EPG5: variants seen among roughly 807,000 people sequenced by gnomAD.
EPG5 encodes the protein ectopic P-granules 5 autophagy tethering factor, also known as ectopic P granules protein 5 homolog.
Under a neutral mutation model 302.7 loss-of-function variants are expected in EPG5, and 159 were observed. That is an observed-to-expected ratio of 0.53 (90% CI 0.46 to 0.60). The LOEUF is 0.60. EPG5 is among the 20% of genes least tolerant of loss of function. EPG5 has a pLI of 0.00. For synonymous variants in EPG5, 1,158 were observed against 1,136.8 expected, an observed-to-expected ratio of 1.02 and a Z score of -0.37; for missense variants, 2,896 against 3,092.4, an observed-to-expected ratio of 0.94 and a Z score of 1.51.
intron 19 of EPG5, 150 bp downstream of exon 19, chr18:45,915,859 C>A: frequency 2.5e-6 from 2 of 806,682 alleles, no homozygotes; most frequent in South Asian, 1.8e-5. Context: ...TAGTGGACTA[C>A]GATTATCGGG....
At chr18:45,837,310 T>C in the EPG5 span, among the ~76,000 whole-genome samples, 1 of 152,150 alleles carries the variant, frequency 6.6e-6, no homozygotes, top group South Asian at 2.1e-4. Flanking sequence ...GTGCAGGCCC[T>C]GGGGGTGCAG....
chr18:45,939,928 T>G (rs2050624652), intron 9 of EPG5, among the ~76,000 whole-genome samples, 173 bp from the exon 10 acceptor site: 1 of 152,160 alleles, frequency 6.6e-6, no homozygotes, highest in Non-Finnish European at 1.5e-5. Flanking sequence ...CCTACCTTCA[T>G]GGAGCTTACA....
At position 45,867,854 on chromosome 18, in the gene EPG5, C is replaced by T. The variant is rs2048780030; in HGVS notation, c.6226-106G>A. 10 of 960,042 alleles carry T rather than the reference C, an allele frequency of 1.0e-5. No individual in the cohort carries two copies. In the South Asian group the frequency reaches 1.3e-4, roughly 12 times the overall value. 59.5% of individuals were successfully genotyped at this position (960,042 alleles called of 1,614,324 possible). ...TTATGTTTTTAAAAAACACTTTTTCCCCAGATTATATCACTTAGAATCCCA... is the reference window on the plus strand; with the variant it reads ...TTATGTTTTTAAAAAACACTTTTTCTCCAGATTATATCACTTAGAATCCCA... On this transcript the variant is annotated intron_variant, in intron 36 of 43. Transcript: ENST00000282041.
At chr18:45,824,534 T>A in the EPG5 span, among the ~76,000 whole-genome samples, 1 of 151,882 alleles carries the variant, frequency 6.6e-6, no homozygotes, top group Admixed American at 6.6e-5. Context: ...CATGAAAGGG[T>A]TTTAAGCAGG....
intron 36 of EPG5, 44 bp downstream of exon 36, chr18:45,870,523 A>C (rs2048846788): frequency 6.4e-7 from 1 of 1,573,146 alleles, no homozygotes; most frequent in Non-Finnish European, 8.7e-7. Context: ...GCTCCCTAGA[A>C]GCCAGATCTC....
At chr18:45,906,289 T>C (rs528801820) in intron 24 of EPG5, among the ~76,000 whole-genome samples, 4 of 152,218 alleles carry the variant, frequency 2.6e-5, no homozygotes, top group South Asian at 2.1e-4. Flanking sequence ...GCTATTTCAA[T>C]AGTTCTCCAA....
At position 45,852,576 on chromosome 18, in the gene EPG5, G is replaced by A. The variant is rs2048437956; in HGVS notation, c.7631C>T (p.Thr2544Ile). The stretch of plus-strand genomic sequence containing the variant: ...ATGGCCAGGATGCCTTATAAATTGG[G>A]TGGCTTGCAATATTTGATCCTGGTA... ...VEYQDQILQA[T>I]QFIRHPGHCL... Residue 2544 changes from threonine (T) to isoleucine (I), a missense_variant, in exon 44 of 44, where the codon ACC (threonine) becomes ATC (isoleucine). By Grantham distance (89) the Thr-to-Ile change is moderately conservative (BLOSUM62 -1). Transcript: ENST00000282041. 3.1e-6 allele frequency: 5 copies of A among 1,614,162 alleles called. No homozygotes were observed. The East Asian group carries it at 8.9e-5, about 29-fold the overall frequency.
At chr18:45,878,270 T>C in intron 34 of EPG5, 106 bp downstream of exon 34, 1 of 736,390 alleles carries the variant, frequency 1.4e-6, no homozygotes, top group Non-Finnish European at 2.3e-6. Context: ...AATATGGCCT[T>C]ACACTAAAAA....
intron 20 of EPG5, 92 bp downstream of exon 20, chr18:45,915,419 T>C: frequency 1.1e-6 from 1 of 899,172 alleles, no homozygotes. Flanking sequence ...TAAATAAAAG[T>C]TAGTTTAGAC....
At chr18:45,912,628 C>T (rs1251000480) in intron 21 of EPG5, among the ~76,000 whole-genome samples, 172 bp from the exon 22 acceptor site, 4 of 152,122 alleles carry the variant, frequency 2.6e-5, no homozygotes, top group Admixed American at 6.5e-5. Flanking sequence ...ACATTTTAAC[C>T]TCCTTGGTAG....
Position 45,954,558 on chromosome 18 carries a change from T to C in EPG5, c.844A>G (p.Met282Val), listed in dbSNP as rs1358436668. The C allele has an allele frequency of 7.4e-6, 12 of 1,614,156 alleles. No individual in the cohort carries two copies. The highest frequency in any genetic ancestry group is 8.5e-6 in the Non-Finnish European group (10 of 1,180,052). Residue 282 changes from methionine (M) to valine (V), a missense_variant, in exon 2 of 44, where the codon ATG (methionine) becomes GTG (valine). This residue lies in a region of EPG5 where 1,390 missense variants were observed against 1,430.0 expected (regional missense o/e 0.97). Transcript: ENST00000282041. ...VESYLEEFDSMAHQDRHEFYE... is the reference protein window; with the variant it reads ...VESYLEEFDSVAHQDRHEFYE... The stretch of plus-strand genomic sequence containing the variant: ...AATTCATGCCTGTCTTGATGAGCCA[T>C]GCTGTCAAATTCTTCTAAATATGAC...
chr18:45,903,975 A>G lies in EPG5; in HGVS notation c.4472T>C (p.Leu1491Pro), dbSNP rs747726931. 3.7e-6 allele frequency: 6 copies of G among 1,606,602 alleles called. No individual in the cohort carries two copies. The highest frequency in any genetic ancestry group is 1.8e-5 in the Admixed American group (1 of 57,048). Residue 1491 changes from leucine (L) to proline (P), a missense_variant and splice_region_variant, in exon 25 of 44, where the codon CTG becomes CCG. By Grantham distance (98) the Leu-to-Pro change is moderately conservative (BLOSUM62 -3). Coordinates refer to ENST00000282041, the MANE Select transcript of EPG5 (RefSeq NM_020964.3). ...SVQLDFTDPL[L>P]AKERVLSNLR... ...GGGCAGGTGCTCCCAGGACCCACCC[A>G]GCAAAGGATCAGTGAAGTCCAGCTG...
rs74738832 is a variant in EPG5, at chr18:45,929,178, G to A, written c.2413-169C>T. On this transcript the variant is annotated intron_variant, in intron 12 of 43. Coordinates refer to ENST00000282041, the MANE Select transcript of EPG5 (RefSeq NM_020964.3). ...TCATACAGGCAACTGTCTACTCTGA[G>A]GCCGAAAGGTGCAGGGAGAGGAATA... Among the ~76,000 whole-genome samples, 23 of 152,288 alleles carry A rather than the reference G, an allele frequency of 1.5e-4. No individual in the cohort carries two copies. In the East Asian group the frequency reaches 4.4e-3, roughly 29 times the overall value.
chr18:45,902,317 CTT>C (rs2049638329), intron 25 of EPG5, among the ~76,000 whole-genome samples: 1 of 152,174 alleles, frequency 6.6e-6, no homozygotes, highest in African/African-American at 2.4e-5. Context: ...ACTAACTACT[CTT>C]TGCACAGATG....
intron 17 of EPG5, among the ~76,000 whole-genome samples, chr18:45,917,381 G>A (rs1386530017): frequency 2.6e-5 from 4 of 152,182 alleles, no homozygotes; most frequent in Admixed American, 2.0e-4. Flanking sequence ...TCAGAAGCAC[G>A]ATTCCCAGAA....
chr18:45,888,312 TATTTA>T (rs772675828), intron 28 of EPG5, among the ~76,000 whole-genome samples: 75 of 149,910 alleles, frequency 5.0e-4, no homozygotes, highest in Non-Finnish European at 5.4e-4. Flanking sequence ...TTTATTTATT[TATTTA>T]TTTTTTGACG....
In EPG5 at chr18:45,952,670, T is replaced by C. The variant is rs142663822; in HGVS notation, c.1009-27A>G. On this transcript the variant is annotated intron_variant, in intron 2 of 43. Transcript: ENST00000282041. Reference sequence around the variant, plus strand: ...TACCAGAGGACAAAAAGGTACAATATGAAACCAGTTACTCTTTCCATTTGA... The same window carrying C: ...TACCAGAGGACAAAAAGGTACAATACGAAACCAGTTACTCTTTCCATTTGA... 5.8e-4 allele frequency: 926 copies of C among 1,609,858 alleles called. 1 individual carries two copies. Among genetic ancestry groups the C allele is most frequent in the Non-Finnish European group, 7.4e-4 (874 of 1,177,122 alleles).
chr18:45,963,496 G>A (rs2051190780), intron 1 of EPG5, among the ~76,000 whole-genome samples: 1 of 152,170 alleles, frequency 6.6e-6, no homozygotes, highest in East Asian at 1.9e-4. Context: ...AATTAGCCCA[G>A]CATGGTGGCA....
intron 27 of EPG5, among the ~76,000 whole-genome samples, chr18:45,892,670 C>T (rs1117868): frequency 0.62 from 93,969 of 151,974 alleles, 29,280 homozygotes; most frequent in Non-Finnish European, 0.64. Flanking sequence ...GAGCCTTCTA[C>T]TGGGAAGAGA....
Sources: allele counts gnomAD v4.1 joint callset (sites outside exome capture counted in the v4.1 genomes callset), GRCh38; gene constraint gnomAD v4.1.1; regional missense constraint gnomAD v4.1.1; transcripts MANE v1.5; gene names NCBI Gene and HGNC (gene_info 2026-07-23, HGNC 2026-07-21).